CD36: variants seen among roughly 807,000 people sequenced by gnomAD.
The protein encoded by CD36 is CD36 molecule (CD36 blood group).
A neutral mutation model predicts 55.2 loss-of-function variants in CD36; 119 were observed. The observed-to-expected ratio is 2.15, with a 90% CI of 1.86 to 2.51. The LOEUF (loss-of-function observed/expected upper bound fraction) is 2.51. CD36 is among the 30% of genes most tolerant of loss of function. The pLI is 0.00. For synonymous variants in CD36, 186 were observed against 193.6 expected (o/e 0.96, Z 0.33); for missense variants, 819 against 555.5 (o/e 1.47, Z -4.77).
At chr7:80,665,172 C>A (rs1245522879) in intron 7 of CD36, among the ~76,000 whole-genome samples, 2 of 151,074 alleles carry the variant, frequency 1.3e-5, no homozygotes. Context: ...GGTAAAATAA[C>A]AAATCAGCTT....
At chr7:80,634,919 A>T (rs968851589), upstream of CD36, among the ~76,000 whole-genome samples, 2 of 152,140 alleles carry the variant, frequency 1.3e-5, no homozygotes, top group Non-Finnish European at 2.9e-5. Context: ...AGTTACACAT[A>T]CAAACAGAAA....
rs1361603961 is a variant in CD36, at chr7:80,677,871, T to C, written c.*1488T>C. 2 of 152,178 alleles carry C rather than the reference T, an allele frequency of 1.3e-5. No homozygotes were observed. The highest frequency in any genetic ancestry group is 2.9e-5 in the Non-Finnish European group (2 of 68,036). 9.4% of individuals were successfully genotyped at this position (152,178 alleles called of 1,614,324 possible). ...CAGGGATGATCTCATAGCATTTAGA[T>C]ATCAGAAAAGGTTTTGACCTATATG... On this transcript the variant is annotated 3_prime_UTR_variant, in exon 15 of 15. Transcript: ENST00000447544.
intron 1 of CD36, among the ~76,000 whole-genome samples, chr7:80,619,704 T>G (rs913755959): frequency 6.7e-6 from 1 of 149,440 alleles, no homozygotes; most frequent in Non-Finnish European, 1.5e-5. Flanking sequence ...ATTCATGTGA[T>G]GGATCTGGAC....
upstream of CD36, among the ~76,000 whole-genome samples, chr7:80,634,486 C>T (rs1375673091): frequency 2.0e-5 from 3 of 152,052 alleles, no homozygotes; most frequent in Non-Finnish European, 4.4e-5. Context: ...ATCTGATCTT[C>T]AGCTTAAAGG....
chr7:80,642,786 C>G (rs1794907001), intron 1 of CD36, among the ~76,000 whole-genome samples: 2 of 151,902 alleles, frequency 1.3e-5, no homozygotes, highest in Non-Finnish European at 2.9e-5. Flanking sequence ...GCTCTTTTTT[C>G]AAAATATCAG....
chr7:80,646,714 C>T lies in CD36; in HGVS notation c.-27C>T, dbSNP rs768286621. 4.3e-5 allele frequency: 69 copies of T among 1,613,464 alleles called. No homozygotes were observed. The Admixed American group carries it at 7.2e-4, about 17-fold the overall frequency. Reference sequence around the variant, plus strand: ...GAGTTTGCAAGAAACAGGTGCTTAACACTAATTCACCTCCTGAACAAGAAA... The same window carrying T: ...GAGTTTGCAAGAAACAGGTGCTTAATACTAATTCACCTCCTGAACAAGAAA... On this transcript the variant is annotated 5_prime_UTR_variant, in exon 3 of 15. Transcript: ENST00000447544.
At chr7:80,664,371 TGTAGAA>T (rs1796822496) in intron 6 of CD36, 29 bp from the exon 7 acceptor site, 1 of 1,125,282 alleles carries the variant, frequency 8.9e-7, no homozygotes. Context: ...AAAAATGACT[TGTAGAA>T]GTAACATTTT....
At chr7:80,671,896 A>C (rs1162138685) in intron 10 of CD36, 26 bp from the exon 11 acceptor site, 2 of 1,604,414 alleles carry the variant, frequency 1.2e-6, no homozygotes, top group African/African-American at 2.7e-5. Context: ...TATTAATTCC[A>C]ATTGACTCTT....
At chr7:80,638,588 G>A (rs1334512), upstream of CD36, 3 of 144,272 alleles carry the variant, frequency 2.1e-5, no homozygotes, top group Non-Finnish European at 3.0e-5. Flanking sequence ...CTCTTTTTTT[G>A]GGGGGGGGAG....
intron 1 of CD36, among the ~76,000 whole-genome samples, chr7:80,613,911 A>G (rs1458003002): frequency 6.6e-6 from 1 of 152,172 alleles, no homozygotes; most frequent in Admixed American, 6.5e-5. Flanking sequence ...AATGCATATA[A>G]TTAGCTAATG....
intron 1 of CD36, among the ~76,000 whole-genome samples, chr7:80,622,286 A>G (rs1793513175): frequency 6.6e-6 from 1 of 152,244 alleles, no homozygotes; most frequent in African/African-American, 2.4e-5. Flanking sequence ...ATGCTGGTAT[A>G]AGCTGGGACA....
At chr7:80,608,841 G>A (rs1050194415) in intron 1 of CD36, among the ~76,000 whole-genome samples, 4 of 152,210 alleles carry the variant, frequency 2.6e-5, no homozygotes, top group East Asian at 1.9e-4. Flanking sequence ...TCACCAAGCC[G>A]TAGCTATTCA....
intron 3 of CD36, among the ~76,000 whole-genome samples, chr7:80,651,863 C>T (rs577611417): frequency 6.6e-6 from 1 of 152,128 alleles, no homozygotes; most frequent in African/African-American, 2.4e-5. Context: ...GAGCTAAGGT[C>T]GCGCCTCTGT....
intron 8 of CD36, among the ~76,000 whole-genome samples, chr7:80,667,751 T>TTTGTTTTG (rs1797245504): frequency 9.1e-6 from 1 of 109,302 alleles, no homozygotes; most frequent in African/African-American, 3.0e-5. Flanking sequence ...TCTTTTGTTT[T>TTTGTTTTG]TTTTTTTTTT....
chr7:80,647,695 A>T (rs1795276671), intron 3 of CD36, among the ~76,000 whole-genome samples: 1 of 152,186 alleles, frequency 6.6e-6, no homozygotes, highest in Non-Finnish European at 1.5e-5. Flanking sequence ...GTTTGGATAC[A>T]GGGGTTAAAC....
chr7:80,661,501 C>G (rs1274202414), intron 5 of CD36, among the ~76,000 whole-genome samples: 1 of 152,090 alleles, frequency 6.6e-6, no homozygotes, highest in Non-Finnish European at 1.5e-5. Flanking sequence ...ACAAGTACAA[C>G]ATTTGTTTCA....
chr7:80,620,738 G>A (rs144670119), intron 1 of CD36, among the ~76,000 whole-genome samples: 11 of 152,264 alleles, frequency 7.2e-5, no homozygotes, highest in African/African-American at 2.6e-4. Flanking sequence ...GGGCTAGAGG[G>A]AGATTCTGTT....
chr7:80,612,355 T>A (rs1792919730), intron 1 of CD36, among the ~76,000 whole-genome samples: 1 of 152,230 alleles, frequency 6.6e-6, no homozygotes. Context: ...GCATTTATTC[T>A]TTTCTTTGCA....
chr7:80,604,404 A>T (rs1205467), intron 1 of CD36, among the ~76,000 whole-genome samples: 6 of 91,280 alleles, frequency 6.6e-5, no homozygotes, highest in Non-Finnish European at 1.1e-4. Context: ...AAAGTATGCC[A>T]TTGGTTCCAC....
Sources: gnomAD v4.1 joint callset for allele counts (sites outside exome capture counted in the v4.1 genomes callset) on GRCh38, gnomAD v4.1.1 for gene constraint, MANE v1.5 for transcripts, NCBI Gene and HGNC (gene_info 2026-07-23, HGNC 2026-07-21) for gene names.